Variants in KAT6B observed in about 807,000 individuals in gnomAD.
The protein encoded by KAT6B is histone acetyltransferase KAT6B.
In KAT6B, 10 loss-of-function variants were observed where a neutral mutation model predicts 187.5. That is an observed-to-expected ratio of 0.05 (90% confidence interval 0.03 to 0.09). The LOEUF is 0.09. Ranked by LOEUF, KAT6B falls within the 10% of genes least tolerant of loss-of-function variation. The pLI is 1.00. For missense variants in KAT6B, 1,952 were observed against 2,558.9 expected (o/e 0.76, Z 5.12); for synonymous variants, 861 against 926.8 (o/e 0.93, Z 1.29).
chr10:74,987,200 C>A (rs913193013), intron 12 of KAT6B, among the ~76,000 whole-genome samples: 2 of 152,118 alleles, frequency 1.3e-5, no homozygotes, highest in African/African-American at 4.8e-5. Context: ...CTTTGGGAGG[C>A]CGAGGTGGGC....
chr10:74,901,320 T>C (rs998703841), intron 3 of KAT6B, among the ~76,000 whole-genome samples: 5 of 152,236 alleles, frequency 3.3e-5, no homozygotes, highest in African/African-American at 1.2e-4. Context: ...TCACATTTTA[T>C]AAAGAAATAT....
chr10:74,933,637 C>T (rs979116064), intron 3 of KAT6B, among the ~76,000 whole-genome samples: 3 of 152,130 alleles, frequency 2.0e-5, no homozygotes, highest in South Asian at 2.1e-4. Flanking sequence ...GTGATCTGGC[C>T]GTTAAGAAAA....
At chr10:74,905,360 T>C (rs984718146) in intron 3 of KAT6B, among the ~76,000 whole-genome samples, 1 of 152,192 alleles carries the variant, frequency 6.6e-6, no homozygotes, top group Admixed American at 6.5e-5. Context: ...AATTAATAAG[T>C]AGAAAGTGTT....
chr10:75,007,067 C>CAAAA (rs888030380), intron 13 of KAT6B, among the ~76,000 whole-genome samples: 1 of 67,184 alleles, frequency 1.5e-5, no homozygotes, highest in African/African-American at 5.2e-5. Flanking sequence ...GACTCCATCT[C>CAAAA]AAAAAAAAAA....
chr10:75,008,868 A>G (rs1181873027), intron 13 of KAT6B, among the ~76,000 whole-genome samples: 1 of 152,222 alleles, frequency 6.6e-6, no homozygotes, highest in East Asian at 1.9e-4. Context: ...ATTTTTCATA[A>G]ATTAAGCATA....
chr10:74,825,257 C>T (rs1589416370), upstream of KAT6B, among the ~76,000 whole-genome samples: 1 of 151,930 alleles, frequency 6.6e-6, no homozygotes, highest in Non-Finnish European at 1.5e-5. This position sits in a 1 kb window ranked among gnomAD's most constrained non-coding sequence, Gnocchi z 5.0. Flanking sequence ...CTGGCGGGCA[C>T]ACTCCCCGCC....
At chr10:74,962,332 A>G (rs1304866195) in intron 4 of KAT6B, among the ~76,000 whole-genome samples, 1 of 152,212 alleles carries the variant, frequency 6.6e-6, no homozygotes, top group Non-Finnish European at 1.5e-5. Flanking sequence ...TTCTAAGGAA[A>G]AAAGAAAACA....
At chr10:74,975,288 G>T in intron 7 of KAT6B, 111 bp from the exon 8 acceptor site, 1 of 870,968 alleles carries the variant, frequency 1.1e-6, no homozygotes, top group Admixed American at 2.0e-5. Flanking sequence ...AAAAAATACA[G>T]TTCTTAAGTT....
intron 17 of KAT6B, 162 bp downstream of exon 17, chr10:75,025,411 C>T (rs930074784): frequency 1.2e-5 from 8 of 659,822 alleles, no homozygotes; most frequent in Admixed American, 5.6e-5. Flanking sequence ...ACAAGCTTCT[C>T]TCCCTTCTTC....
At chr10:74,951,841 A>C (rs1056643850) in intron 3 of KAT6B, among the ~76,000 whole-genome samples, 1 of 152,224 alleles carries the variant, frequency 6.6e-6, no homozygotes, top group African/African-American at 2.4e-5. Flanking sequence ...GACAGTTGAC[A>C]ATATTTTGGG....
At chr10:74,878,578 C>T (rs1053699133) in intron 3 of KAT6B, among the ~76,000 whole-genome samples, 7 of 148,618 alleles carry the variant, frequency 4.7e-5, no homozygotes, top group African/African-American at 1.5e-4. Flanking sequence ...CAAGATGGTG[C>T]CGCTGCACTC....
chr10:74,978,072 A>G (rs564250502), intron 9 of KAT6B, among the ~76,000 whole-genome samples: 3 of 152,270 alleles, frequency 2.0e-5, no homozygotes, highest in East Asian at 1.9e-4. Flanking sequence ...TTCGGTTTCT[A>G]TGACCAGTGT....
chr10:74,930,529 C>T (rs1848798540), intron 3 of KAT6B, among the ~76,000 whole-genome samples: 1 of 152,078 alleles, frequency 6.6e-6, no homozygotes, highest in Non-Finnish European at 1.5e-5. Context: ...CACCTGTATG[C>T]AGGTAGTTTT....
chr10:74,980,219 C>T (rs1193921532), intron 10 of KAT6B, among the ~76,000 whole-genome samples: 7 of 152,094 alleles, frequency 4.6e-5, no homozygotes, highest in Non-Finnish European at 1.0e-4. Flanking sequence ...GTCTTGAACT[C>T]AAGATTAGCC....
At chr10:74,847,130 CAGAGT>C (rs956957447) in intron 3 of KAT6B, among the ~76,000 whole-genome samples, 3 of 152,154 alleles carry the variant, frequency 2.0e-5, no homozygotes, top group African/African-American at 4.8e-5. Context: ...GGATTGAGAG[CAGAGT>C]AATTTATTGC....
Position 74,972,619 on chromosome 10 carries a change from T to C in KAT6B, c.1041T>C (p.Asn347=). The C allele has an allele frequency of 6.2e-7, 1 of 1,613,260 alleles. No homozygotes were observed. The highest frequency in any genetic ancestry group is 8.5e-7 in the Non-Finnish European group (1 of 1,179,504). ...CAAAACCCATTGGACGACCGAAAAA[T>C]AAATTAAAGCAACGATTGTTGTAGG... is the stretch of plus-strand genomic sequence containing the variant. ...RYAKPIGRPK[N]KLKQRLLSVT... Residue 347 remains asparagine, a synonymous_variant, in exon 7 of 18, where the codon AAT becomes AAC. Transcript: ENST00000287239.
chr10:74,940,383 C>G (rs1849581948), intron 3 of KAT6B, among the ~76,000 whole-genome samples: 1 of 149,368 alleles, frequency 6.7e-6, no homozygotes, highest in Admixed American at 6.7e-5. Flanking sequence ...TCAAGTGATT[C>G]GCCTGCCTCA....
intron 3 of KAT6B, among the ~76,000 whole-genome samples, chr10:74,852,058 T>C (rs1417612894): frequency 6.6e-6 from 1 of 152,194 alleles, no homozygotes; most frequent in Non-Finnish European, 1.5e-5. Context: ...CAGAAGTCTC[T>C]CAGCCCTAGG....
rs555588006 is a variant in KAT6B at position 74,894,069 on chromosome 10, C to A, written c.621+50591C>A. 4.9e-4 allele frequency among the ~76,000 whole-genome samples: 75 copies of A among 152,286 alleles called. 1 individual carries two copies. The highest frequency in any genetic ancestry group is 1.8e-3 in the African/African-American group (75 of 41,560). On this transcript the variant is annotated intron_variant, in intron 3 of 17. Coordinates refer to ENST00000287239, the MANE Select transcript of KAT6B (RefSeq NM_012330.4). The stretch of plus-strand genomic sequence containing the variant: ...ATGAATTAGCCTGAAACTTTGCAGC[C>A]TTTAATCATATTTTTCTCTCTTTTT...
Sources: allele counts gnomAD v4.1 joint callset (sites outside exome capture counted in the v4.1 genomes callset), GRCh38; gene constraint gnomAD v4.1.1; non-coding constraint Gnocchi (gnomAD v3.1); transcripts MANE v1.5; gene names NCBI Gene and HGNC (gene_info 2026-07-23, HGNC 2026-07-21).